Variants in DLC1 observed in about 807,000 individuals in gnomAD.
DLC1 encodes rho GTPase-activating protein 7.
Under a neutral mutation model 140.3 loss-of-function variants are expected in DLC1, and 54 were observed. The observed-to-expected ratio is 0.38, with a 90% confidence interval of 0.31 to 0.48. The LOEUF (loss-of-function observed/expected upper bound fraction) is 0.48. Among genes scored for constraint, DLC1 ranks in the 20% least tolerant of loss-of-function variants. DLC1 has a pLI of 0.96. For missense variants in DLC1, 2,536 were observed against 1,907.0 expected (o/e 1.33, Z -6.14); for synonymous variants, 986 against 728.1 (o/e 1.35, Z -5.70).
intron 5 of DLC1, among the ~76,000 whole-genome samples, chr8:13,126,353 A>T (rs1036281913): frequency 1.4e-5 from 2 of 145,026 alleles, no homozygotes; most frequent in Admixed American, 1.4e-4. Context: ...AGGGACACAC[A>T]TATCTCTCTA....
intron 5 of DLC1, among the ~76,000 whole-genome samples, chr8:13,176,099 T>C (rs1040918522): frequency 6.6e-6 from 1 of 152,240 alleles, no homozygotes; most frequent in African/African-American, 2.4e-5. Flanking sequence ...TTTCTGGATA[T>C]AAACTTCTTT....
intron 5 of DLC1, among the ~76,000 whole-genome samples, chr8:13,291,825 G>A (rs1203386819): frequency 6.6e-6 from 1 of 152,134 alleles, no homozygotes; most frequent in Admixed American, 6.5e-5. Context: ...AGCAAGGTAA[G>A]CTGAAGTCAT....
intron 1 of DLC1, among the ~76,000 whole-genome samples, chr8:13,556,641 T>C (rs1468843231): frequency 1.3e-5 from 2 of 152,114 alleles, no homozygotes; most frequent in East Asian, 1.9e-4. Flanking sequence ...TACCAAGTAG[T>C]AGGGCCTGAT....
At chr8:13,454,320 G>T (rs1373661540) in intron 2 of DLC1, among the ~76,000 whole-genome samples, 1 of 151,668 alleles carries the variant, frequency 6.6e-6, no homozygotes, top group Non-Finnish European at 1.5e-5. Flanking sequence ...TTTCTTGGTT[G>T]AAACATCTCT....
chr8:13,134,428 G>T (rs1202049545), intron 5 of DLC1, among the ~76,000 whole-genome samples: 2 of 152,050 alleles, frequency 1.3e-5, no homozygotes, highest in African/African-American at 4.8e-5. Flanking sequence ...ACTTTCTCGT[G>T]GGAAAAATGC....
intron 1 of DLC1, among the ~76,000 whole-genome samples, chr8:13,556,395 A>G (rs758994405): frequency 6.6e-6 from 1 of 152,162 alleles, no homozygotes; most frequent in Non-Finnish European, 1.5e-5. Context: ...ACTTCCAAAA[A>G]TTCTGATTTA....
Position 13,500,210 on chromosome 8 carries a change from C to CA in DLC1, c.-125-15dup, listed in dbSNP as rs1801746219. On this transcript the variant is annotated splice_polypyrimidine_tract_variant and intron_variant, in intron 1 of 17. Transcript: ENST00000276297. ...TCATTTCACCACCTATTAAAAAATT[C>CA]AAAAAAATATGTAGTCGCAGATACG... 2.7e-6 allele frequency: 2 copies of CA among 727,900 alleles called. No homozygotes were observed. Among genetic ancestry groups the CA allele is most frequent in the South Asian group, 2.3e-5 (1 of 42,930 alleles). The allele number at this position is 727,900 out of a possible 1,614,324, so 45.1% of individuals were successfully genotyped here.
intron 4 of DLC1, among the ~76,000 whole-genome samples, chr8:13,326,913 T>C (rs1237299906): frequency 6.6e-6 from 1 of 152,180 alleles, no homozygotes; most frequent in Non-Finnish European, 1.5e-5. Context: ...GAATTTGTGA[T>C]CAGTAGAAAC....
At chr8:13,242,662 C>T (rs767077010) in intron 5 of DLC1, among the ~76,000 whole-genome samples, 11 of 151,982 alleles carry the variant, frequency 7.2e-5, no homozygotes, top group Non-Finnish European at 4.4e-5. Context: ...GAAAGTGCTG[C>T]GATTACAGGT....
At chr8:13,213,995 G>T (rs1231567000) in intron 5 of DLC1, among the ~76,000 whole-genome samples, 2 of 152,090 alleles carry the variant, frequency 1.3e-5, no homozygotes, top group African/African-American at 4.8e-5. Flanking sequence ...TGTTGGCCAG[G>T]CCGCTCTCGA....
rs1040010272 is a variant in DLC1 at position 13,174,888 on chromosome 8, T to C, written c.1349-59231A>G. 2.6e-5 allele frequency among the ~76,000 whole-genome samples: 4 copies of C among 152,276 alleles called. No individual in the cohort carries two copies. The South Asian group carries it at 8.3e-4, about 32-fold the overall frequency. On this transcript the variant is annotated intron_variant, in intron 5 of 17. Transcript: ENST00000276297. ...TTAGGTCCCACCTGTCAATTTTTGG[T>C]TTTGTTGCAATTGATTTTGAGGACT... is the stretch of plus-strand genomic sequence containing the variant.
At chr8:13,305,209 T>A (rs1439370349) in intron 5 of DLC1, 60 bp downstream of exon 5, 1 of 1,592,194 alleles carries the variant, frequency 6.3e-7, no homozygotes, top group South Asian at 1.2e-5. Context: ...ATGCCTATTT[T>A]AAGGTGAAAT....
chr8:13,142,396 T>C (rs1823071570), intron 5 of DLC1, among the ~76,000 whole-genome samples: 1 of 152,216 alleles, frequency 6.6e-6, no homozygotes, highest in Non-Finnish European at 1.5e-5. Flanking sequence ...CTGGTTGTCA[T>C]CTTTTAGACG....
intron 5 of DLC1, among the ~76,000 whole-genome samples, chr8:13,135,274 G>A (rs1335933413): frequency 6.7e-6 from 1 of 149,386 alleles, no homozygotes; most frequent in South Asian, 2.1e-4. Flanking sequence ...ACACGATCTC[G>A]GGTTCACGCC....
At chr8:13,463,283 T>C (rs1799760227) in intron 2 of DLC1, among the ~76,000 whole-genome samples, 1 of 152,150 alleles carries the variant, frequency 6.6e-6, no homozygotes, top group Non-Finnish European at 1.5e-5. Flanking sequence ...ATCAAGTGTT[T>C]CAGATTCTAT....
chr8:13,267,035 T>G (rs1586037361), intron 5 of DLC1, among the ~76,000 whole-genome samples: 1 of 152,366 alleles, frequency 6.6e-6, no homozygotes, highest in Non-Finnish European at 1.5e-5. Flanking sequence ...TGAGTTGACA[T>G]GCACGTGCTA....
At chr8:13,219,180 A>ATG (rs1253348453) in intron 5 of DLC1, among the ~76,000 whole-genome samples, 1 of 116,170 alleles carries the variant, frequency 8.6e-6, no homozygotes, top group African/African-American at 3.5e-5. Context: ...ATATAATTAT[A>ATG]TGAATATAAC....
At chr8:13,252,746 C>G (rs1287949963) in intron 5 of DLC1, among the ~76,000 whole-genome samples, 3 of 152,096 alleles carry the variant, frequency 2.0e-5, no homozygotes, top group Non-Finnish European at 4.4e-5. Context: ...GAAAAATGAG[C>G]AAAAGATTTA....
At chr8:13,132,209 G>C (rs1822160609) in intron 5 of DLC1, among the ~76,000 whole-genome samples, 1 of 106,578 alleles carries the variant, frequency 9.4e-6, no homozygotes, top group African/African-American at 3.5e-5. Context: ...CCAAAACTGT[G>C]TGTGTGTGTG....
Sources: allele counts gnomAD v4.1 joint callset (sites outside exome capture counted in the v4.1 genomes callset), GRCh38; gene constraint gnomAD v4.1.1; transcripts MANE v1.5; gene names NCBI Gene and HGNC (gene_info 2026-07-23, HGNC 2026-07-21).